Variants in ITGA1 observed in about 807,000 individuals in gnomAD.
ITGA1 encodes integrin alpha-1.
In ITGA1, 85 loss-of-function variants were observed where a neutral mutation model predicts 145.9. That is an observed-to-expected ratio of 0.58 (90% CI 0.49 to 0.70). The LOEUF (loss-of-function observed/expected upper bound fraction) is 0.70. Ranked by LOEUF, ITGA1 falls within the 30% of genes least tolerant of loss-of-function variation. The pLI, the probability that ITGA1 is intolerant of heterozygous loss-of-function variation, is 0.00. For missense variants in ITGA1, 1,351 were observed against 1,418.7 expected, an observed-to-expected ratio of 0.95 and a Z score of 0.77; for synonymous variants, 520 against 495.3, an observed-to-expected ratio of 1.05 and a Z score of -0.66.
intron 1 of ITGA1, among the ~76,000 whole-genome samples, chr5:52,846,659 C>A (rs1749343158): frequency 6.6e-6 from 1 of 152,154 alleles, no homozygotes; most frequent in Admixed American, 6.5e-5. Flanking sequence ...GAAGAATGAA[C>A]AGGAAATGTA....
At chr5:52,898,475 C>G in intron 11 of ITGA1, 92 bp downstream of exon 11, 1 of 1,118,334 alleles carries the variant, frequency 8.9e-7, no homozygotes, top group Non-Finnish European at 1.2e-6. Context: ...GGCTTGCAAC[C>G]ATATAGCAGG....
intron 6 of ITGA1, among the ~76,000 whole-genome samples, chr5:52,872,261 C>A (rs891566985): frequency 6.6e-6 from 1 of 152,030 alleles, no homozygotes; most frequent in African/African-American, 2.4e-5. Flanking sequence ...TGAAAAGAAG[C>A]CTGAGGGAGA....
intron 1 of ITGA1, chr5:52,825,152 C>T (rs763106365): frequency 6.6e-6 from 1 of 152,108 alleles, no homozygotes; most frequent in African/African-American, 2.4e-5. Context: ...TTTTCTGTTC[C>T]TATTAACATG....
At chr5:52,873,857 T>C (rs1435027297) in intron 6 of ITGA1, among the ~76,000 whole-genome samples, 1 of 152,182 alleles carries the variant, frequency 6.6e-6, no homozygotes, top group East Asian at 1.9e-4. Flanking sequence ...ATATTAGTTA[T>C]TGAATGAAAG....
At chr5:52,934,481 C>A (rs1014791415) in intron 23 of ITGA1, among the ~76,000 whole-genome samples, 12 of 151,832 alleles carry the variant, frequency 7.9e-5, no homozygotes, top group African/African-American at 2.7e-4. Flanking sequence ...GTATCACATT[C>A]TCCTTATTGT....
At chr5:52,830,969 C>T (rs911444573) in intron 1 of ITGA1, among the ~76,000 whole-genome samples, 5 of 152,172 alleles carry the variant, frequency 3.3e-5, no homozygotes, top group Non-Finnish European at 5.9e-5. Context: ...TTAAATCTGA[C>T]CTAGCCATGA....
At chr5:52,813,935 C>T (rs1748723340) in intron 1 of ITGA1, among the ~76,000 whole-genome samples, 2 of 152,188 alleles carry the variant, frequency 1.3e-5, no homozygotes, top group African/African-American at 2.4e-5. Context: ...ATTAGGGGAA[C>T]TGGTAGACTG....
intron 14 of ITGA1, among the ~76,000 whole-genome samples, chr5:52,911,700 T>C (rs1200582341): frequency 2.2e-5 from 3 of 136,714 alleles, no homozygotes; most frequent in Non-Finnish European, 3.1e-5. Flanking sequence ...ATACATATAG[T>C]GTATCTACTA....
At chr5:52,800,450 T>G in intron 1 of ITGA1, 1 of 1,613,874 alleles carries the variant, frequency 6.2e-7, no homozygotes, top group South Asian at 1.1e-5. Flanking sequence ...GTGACCCTGG[T>G]CCCCGAGGAG....
chr5:52,922,556 CA>C (rs1448211601), intron 17 of ITGA1, among the ~76,000 whole-genome samples: 6 of 152,068 alleles, frequency 3.9e-5, no homozygotes, highest in Non-Finnish European at 8.8e-5. Flanking sequence ...GGAAGTGAGT[CA>C]ACAGGTCATA....
intron 1 of ITGA1, among the ~76,000 whole-genome samples, chr5:52,840,567 G>A (rs1373662869): frequency 3.9e-5 from 6 of 152,172 alleles, no homozygotes; most frequent in Admixed American, 2.6e-4. Flanking sequence ...AAGAATTTTA[G>A]AGATCAAGAG....
intron 1 of ITGA1, among the ~76,000 whole-genome samples, chr5:52,823,838 T>C (rs1172377751): frequency 1.3e-5 from 2 of 152,238 alleles, no homozygotes; most frequent in African/African-American, 4.8e-5. Context: ...CAACTTCCTC[T>C]ACATGCTTAG....
chr5:52,876,847 T>C lies in ITGA1; in HGVS notation c.625-5026T>C, dbSNP rs1038186919. ...AGAGTTCCAAGAAGGGGAAGCTCAA[T>C]ATGGGCTATCCTGGCAACAAGGTAA... is the stretch of plus-strand genomic sequence containing the variant. On this transcript the variant is annotated intron_variant, in intron 6 of 28. Transcript: ENST00000282588. Among the ~76,000 whole-genome samples the C allele has an allele frequency of 2.6e-5, 4 of 152,272 alleles. No homozygotes were observed. In the East Asian group the frequency reaches 7.7e-4, roughly 29 times the overall value.
intron 23 of ITGA1, among the ~76,000 whole-genome samples, chr5:52,936,625 C>G (rs1053151204): frequency 3.1e-4 from 47 of 152,156 alleles, no homozygotes; most frequent in African/African-American, 1.0e-3. Flanking sequence ...CTGGTTGTCC[C>G]AGTTCAGTTG....
intron 28 of ITGA1, among the ~76,000 whole-genome samples, chr5:52,951,630 G>A (rs1276841297): frequency 6.6e-6 from 1 of 151,940 alleles, no homozygotes; most frequent in Non-Finnish European, 1.5e-5. Context: ...AGTTAATACA[G>A]ACAACTCAGA....
chr5:52,907,745 G>A (rs1233743217), intron 12 of ITGA1, among the ~76,000 whole-genome samples: 1 of 152,176 alleles, frequency 6.6e-6, no homozygotes, highest in East Asian at 1.9e-4. Context: ...GGAAGTGGTG[G>A]GAACCATGGC....
chr5:52,819,999 G>A lies in ITGA1; in HGVS notation c.62-29366G>A, dbSNP rs566651859. 1.2e-4 allele frequency among the ~76,000 whole-genome samples: 18 copies of A among 152,064 alleles called. No homozygotes were observed. The South Asian group carries it at 1.9e-3, about 16-fold the overall frequency. Reference sequence around the variant, plus strand: ...CTGAGGCCTCTGTTCTGTTCCATTGGTCTATATCTCTGTTTTGGTACCAGT... The same window carrying A: ...CTGAGGCCTCTGTTCTGTTCCATTGATCTATATCTCTGTTTTGGTACCAGT... On this transcript the variant is annotated intron_variant, in intron 1 of 28. Transcript: ENST00000282588.
intron 9 of ITGA1, 132 bp from the exon 10 acceptor site, chr5:52,897,323 G>A: frequency 1.6e-6 from 1 of 635,164 alleles, no homozygotes; most frequent in South Asian, 2.0e-5. Context: ...ATGTATGGCT[G>A]AAAATGCCCT....
At chr5:52,938,966 G>T (rs536462333) in intron 24 of ITGA1, among the ~76,000 whole-genome samples, 1 of 151,890 alleles carries the variant, frequency 6.6e-6, no homozygotes, top group Non-Finnish European at 1.5e-5. Context: ...GCAGTGGCGC[G>T]ATCTTGGCTT....
Sources: allele counts gnomAD v4.1 joint callset (sites outside exome capture counted in the v4.1 genomes callset), GRCh38; gene constraint gnomAD v4.1.1; transcripts MANE v1.5; gene names NCBI Gene and HGNC (gene_info 2026-07-23, HGNC 2026-07-21).